Variants in DNM3 observed in about 807,000 individuals in gnomAD.
DNM3 encodes dynamin 3.
In DNM3, 47 loss-of-function variants were observed where a neutral mutation model predicts 101.6. The ratio of observed to expected loss-of-function variants is 0.46; its 90% confidence interval spans 0.37 to 0.59. The LOEUF (loss-of-function observed/expected upper bound fraction) is 0.59, where lower values mean the gene tolerates loss of function less well. Among genes scored for constraint, DNM3 ranks in the 20% least tolerant of loss-of-function variants. DNM3 has a pLI of 0.00. For synonymous variants in DNM3, 385 were observed against 387.9 expected, an observed-to-expected ratio of 0.99 and a Z score of 0.09; for missense variants, 849 against 1,085.7, an observed-to-expected ratio of 0.78 and a Z score of 3.06.
At chr1:172,177,545 A>G (rs2059197795) in intron 14 of DNM3, among the ~76,000 whole-genome samples, 1 of 151,870 alleles carries the variant, frequency 6.6e-6, no homozygotes, top group Admixed American at 6.6e-5. Flanking sequence ...GATAATTGAA[A>G]ATGTTGAGAA....
chr1:172,348,639 A>G (rs1057145498), intron 17 of DNM3, among the ~76,000 whole-genome samples: 16 of 152,244 alleles, frequency 1.1e-4, no homozygotes, highest in African/African-American at 2.9e-4. Flanking sequence ...AAGAAACCCA[A>G]TAAAAAGAAA....
At chr1:172,029,579 T>G (rs1194476514) in intron 4 of DNM3, among the ~76,000 whole-genome samples, 1 of 152,104 alleles carries the variant, frequency 6.6e-6, no homozygotes, top group Non-Finnish European at 1.5e-5. Context: ...GAGAAAGAAA[T>G]AAAGCGTATT....
chr1:171,889,521 A>G (rs996929833), intron 1 of DNM3, among the ~76,000 whole-genome samples: 4 of 152,220 alleles, frequency 2.6e-5, no homozygotes, highest in African/African-American at 7.2e-5. Context: ...TAAACTATGC[A>G]TTTAACAGAA....
chr1:172,308,758 G>A lies in DNM3; in HGVS notation c.1800G>A (p.Glu600=). 2 of 1,606,074 alleles carry A rather than the reference G, an allele frequency of 1.2e-6. No homozygotes were observed. Among genetic ancestry groups the A allele is most frequent in the Non-Finnish European group, 1.7e-6 (2 of 1,176,792 alleles). The change falls in exon 16 of 21, where the codon GAG becomes GAA. Residue 600 remains glutamate, a synonymous_variant. Coordinates refer to ENST00000627582, the MANE Select transcript of DNM3 (RefSeq NM_015569.5). ...RNVYKDYRFL[E]LACDSQEDVD... Reference sequence around the variant, plus strand: ...TATACAAAGACTATCGCTTCCTTGAGCTGGCATGTGATTCCCAGGAGGATG... The same window carrying A: ...TATACAAAGACTATCGCTTCCTTGAACTGGCATGTGATTCCCAGGAGGATG...
chr1:171,927,372 A>G (rs900553567), intron 2 of DNM3, among the ~76,000 whole-genome samples: 10 of 152,084 alleles, frequency 6.6e-5, no homozygotes, highest in Non-Finnish European at 1.2e-4. Context: ...TGCTCAAGTT[A>G]TCTTTTCTGC....
intron 14 of DNM3, among the ~76,000 whole-genome samples, chr1:172,245,442 G>A (rs887532188): frequency 1.1e-4 from 16 of 152,198 alleles, no homozygotes; most frequent in African/African-American, 3.6e-4. Flanking sequence ...GGGATCAGAT[G>A]GGAATGTGAG....
intron 1 of DNM3, among the ~76,000 whole-genome samples, chr1:171,884,982 C>T (rs1458136666): frequency 2.0e-5 from 3 of 152,130 alleles, no homozygotes; most frequent in African/African-American, 7.2e-5. Flanking sequence ...TACATCTCAA[C>T]CATCTTTTCA....
intron 15 of DNM3, among the ~76,000 whole-genome samples, chr1:172,282,800 T>A (rs1316447061): frequency 6.6e-6 from 1 of 152,206 alleles, no homozygotes; most frequent in African/African-American, 2.4e-5. Context: ...TCAGTCTTCT[T>A]TGGCAACTAT....
At chr1:172,256,614 A>G (rs960189849) in intron 15 of DNM3, among the ~76,000 whole-genome samples, 25 of 151,726 alleles carry the variant, frequency 1.6e-4, no homozygotes, top group African/African-American at 6.0e-4. Context: ...GTGTCTTTTC[A>G]GAGAACCAGT....
intron 2 of DNM3, among the ~76,000 whole-genome samples, chr1:171,981,350 A>G (rs919384925): frequency 2.0e-5 from 3 of 152,252 alleles, no homozygotes; most frequent in Non-Finnish European, 4.4e-5. Context: ...TAGAATAAAG[A>G]TGGACAAGAG....
chr1:172,087,559 A>G (rs766712121), intron 12 of DNM3, among the ~76,000 whole-genome samples: 1 of 152,106 alleles, frequency 6.6e-6, no homozygotes, highest in African/African-American at 2.4e-5. Flanking sequence ...TGTTGTTCCC[A>G]CTTTCTGTGG....
intron 15 of DNM3, among the ~76,000 whole-genome samples, chr1:172,267,827 C>T (rs1219838693): frequency 6.6e-6 from 1 of 152,114 alleles, no homozygotes; most frequent in East Asian, 1.9e-4. Context: ...ATTCTCCTGC[C>T]TCAGCCTCCC....
chr1:172,318,194 G>T (rs544175289), intron 16 of DNM3, among the ~76,000 whole-genome samples: 4 of 152,092 alleles, frequency 2.6e-5, no homozygotes, highest in Admixed American at 2.6e-4. Context: ...CAGCCCTTCA[G>T]GCTATAAACT....
At chr1:172,197,025 G>T (rs1221251214) in intron 14 of DNM3, among the ~76,000 whole-genome samples, 2 of 152,012 alleles carry the variant, frequency 1.3e-5, no homozygotes, top group Non-Finnish European at 2.9e-5. Context: ...GTATTCTAGA[G>T]TTTTTATTGT....
intron 14 of DNM3, among the ~76,000 whole-genome samples, chr1:172,161,689 C>T (rs2058551830): frequency 6.6e-6 from 1 of 151,928 alleles, no homozygotes. Context: ...GTTGTTTTGA[C>T]TTGGACAGAA....
intron 2 of DNM3, among the ~76,000 whole-genome samples, chr1:171,987,036 G>A (rs2045312008): frequency 6.6e-6 from 1 of 151,896 alleles, no homozygotes; most frequent in African/African-American, 2.4e-5. Flanking sequence ...CCTCTGCTGA[G>A]GGATTTTTTT....
chr1:172,418,309 C>A (rs1413462091), exon 21 of DNM3: 10 of 1,289,100 alleles, frequency 7.8e-6, no homozygotes, highest in Non-Finnish European at 8.1e-6. Flanking sequence ...TCCAGGACGA[C>A]CATCCTAACC....
At chr1:171,917,528 C>T (rs1466749534) in intron 1 of DNM3, among the ~76,000 whole-genome samples, 1 of 152,136 alleles carries the variant, frequency 6.6e-6, no homozygotes, top group Non-Finnish European at 1.5e-5. Context: ...GCTGTTAACA[C>T]TGAAGATTAA....
intron 15 of DNM3, among the ~76,000 whole-genome samples, chr1:172,266,430 G>T (rs2062861141): frequency 6.6e-6 from 1 of 152,062 alleles, no homozygotes. Flanking sequence ...AAGGTAAAAA[G>T]CATGTAATAT....
Sources: allele counts gnomAD v4.1 joint callset (sites outside exome capture counted in the v4.1 genomes callset), GRCh38; gene constraint gnomAD v4.1.1; transcripts MANE v1.5; gene names NCBI Gene and HGNC (gene_info 2026-07-23, HGNC 2026-07-21).